Variants in CCDC83 observed in about 807,000 individuals in gnomAD.
CCDC83 encodes coiled-coil domain-containing protein 83.
Under a neutral mutation model 50.1 loss-of-function variants are expected in CCDC83, and 54 were observed. The ratio of observed to expected loss-of-function variants is 1.08; its 90% CI spans 0.87 to 1.35. The LOEUF (loss-of-function observed/expected upper bound fraction) is 1.35. CCDC83 is among the 40% of genes most tolerant of loss of function. The pLI is 0.00. For missense variants in CCDC83, 518 were observed against 473.9 expected (o/e 1.09, Z -0.86); for synonymous variants, 161 against 153.3 (o/e 1.05, Z -0.37).
chr11:85,887,221 G>A (rs573932851), intron 5 of CCDC83, among the ~76,000 whole-genome samples: 3 of 152,338 alleles, frequency 2.0e-5, no homozygotes, highest in Admixed American at 6.5e-5. Flanking sequence ...GACACGATGA[G>A]GGCCAGCTGT....
At chr11:85,917,918 A>G (rs2093490036) in intron 10 of CCDC83, 1 of 152,182 alleles carries the variant, frequency 6.6e-6, no homozygotes, top group Non-Finnish European at 1.5e-5. Flanking sequence ...TTTCCATGAA[A>G]GTTTTTGATG....
intron 5 of CCDC83, among the ~76,000 whole-genome samples, chr11:85,891,917 C>A (rs2135067277): frequency 6.6e-6 from 1 of 152,298 alleles, no homozygotes; most frequent in East Asian, 1.9e-4. Context: ...CCATCTGCTT[C>A]AAATAGTCCC....
In CCDC83 at chr11:85,917,166, G is replaced by GAGAAAGAAAGAA. The variant is rs1554986880; in HGVS notation, c.1080+949_1080+960dup. The stretch of plus-strand genomic sequence containing the variant: ...AGAGAGAGAGAGAGAGAGAGAGAGA[G>GAGAAAGAAAGAA]AGAAAGAAAGAAAGAAAGAAAGAAA... On this transcript the variant is annotated intron_variant, in intron 10 of 10. Coordinates refer to ENST00000342404, the MANE Select transcript of CCDC83 (RefSeq NM_001286159.2). 3.8e-4 allele frequency among the ~76,000 whole-genome samples: 24 copies of GAGAAAGAAAGAA among 62,454 alleles called. 1 individual carries two copies. The highest frequency in any genetic ancestry group is 2.0e-3 in the South Asian group (4 of 2,020). The allele number at this position is 62,454 out of a possible 152,430, so 41.0% of individuals were successfully genotyped here.
intron 7 of CCDC83, among the ~76,000 whole-genome samples, chr11:85,903,473 T>G (rs11234469): frequency 0.019 from 2,858 of 151,856 alleles, 76 homozygotes; most frequent in African/African-American, 0.066. Flanking sequence ...TTTTTTTTTT[T>G]TGTATTTTTA....
At chr11:85,874,645 T>C (rs960993036) in intron 3 of CCDC83, among the ~76,000 whole-genome samples, 3 of 152,348 alleles carry the variant, frequency 2.0e-5, no homozygotes, top group African/African-American at 2.4e-5. Context: ...TCAAAGTACA[T>C]TTTCCACAGT....
intron 4 of CCDC83, among the ~76,000 whole-genome samples, chr11:85,883,735 G>A (rs557210755): frequency 1.3e-4 from 20 of 152,110 alleles, no homozygotes; most frequent in Non-Finnish European, 2.2e-4. Flanking sequence ...TTAGCCCTTA[G>A]GAAATCCACG....
At chr11:85,915,915 A>G in intron 9 of CCDC83, 113 bp from the exon 10 acceptor site, 5 of 733,594 alleles carry the variant, frequency 6.8e-6, no homozygotes, top group Non-Finnish European at 1.2e-5. Context: ...TAAATTCTAC[A>G]TTTGCAATTC....
intron 5 of CCDC83, among the ~76,000 whole-genome samples, chr11:85,893,134 T>C (rs774054757): frequency 6.6e-6 from 1 of 152,206 alleles, no homozygotes; most frequent in African/African-American, 2.4e-5. Context: ...ATTTGCTTTC[T>C]GGTGCTGAAG....
At position 85,880,972 on chromosome 11, in the gene CCDC83, C is replaced by CT. The variant is rs534623145; in HGVS notation, c.181-1540dup. Among the ~76,000 whole-genome samples the CT allele has an allele frequency of 4.4e-4, 67 of 152,282 alleles. No homozygotes were observed. The East Asian group carries it at 6.4e-3, about 14-fold the overall frequency. On this transcript the variant is annotated intron_variant, in intron 3 of 10. Transcript: ENST00000342404. Reference sequence around the variant, plus strand: ...TAACTTTATTTTCCCCTTGGGGATGCTGAATAAACTGTGTTTGGTGTGCCT... The same window carrying CT: ...TAACTTTATTTTCCCCTTGGGGATGCTTGAATAAACTGTGTTTGGTGTGCCT...
chr11:85,880,479 T>C (rs1219051216), intron 3 of CCDC83, among the ~76,000 whole-genome samples: 5 of 152,214 alleles, frequency 3.3e-5, no homozygotes, highest in Middle Eastern at 3.4e-3. Flanking sequence ...TTTCACCATG[T>C]TGCCCAGGCT....
chr11:85,886,134 AC>A (rs1830347006), intron 4 of CCDC83, 65 bp from the exon 5 acceptor site: 1 of 1,285,128 alleles, frequency 7.8e-7, no homozygotes. Context: ...ACTTCTTAAA[AC>A]CAGATTGCAA....
intron 7 of CCDC83, among the ~76,000 whole-genome samples, chr11:85,906,677 G>C (rs2093426915): frequency 6.6e-6 from 1 of 152,116 alleles, no homozygotes; most frequent in Non-Finnish European, 1.5e-5. Context: ...CTAGGAGTTT[G>C]AGACAAACCT....
At chr11:85,915,889 C>A in intron 9 of CCDC83, 139 bp from the exon 10 acceptor site, 1 of 646,690 alleles carries the variant, frequency 1.5e-6, no homozygotes, top group South Asian at 1.9e-5. Flanking sequence ...ATGGGACTCC[C>A]TCTTACTTTA....
intron 6 of CCDC83, among the ~76,000 whole-genome samples, chr11:85,897,131 A>C (rs1426679966): frequency 2.0e-5 from 3 of 152,232 alleles, no homozygotes; most frequent in African/African-American, 7.2e-5. Context: ...GACGATTCAA[A>C]GTAGATATAT....
intron 5 of CCDC83, 143 bp downstream of exon 5, chr11:85,886,510 T>G: frequency 1.7e-6 from 1 of 581,316 alleles, no homozygotes; most frequent in Non-Finnish European, 2.7e-6. Flanking sequence ...AGGGTAAAGG[T>G]GGAGGGAGGA....
intron 4 of CCDC83, among the ~76,000 whole-genome samples, chr11:85,884,302 T>G (rs1186528163): frequency 6.6e-6 from 1 of 152,154 alleles, no homozygotes; most frequent in Admixed American, 6.5e-5. Context: ...TCACTTTATG[T>G]CCCAGGTAGT....
intron 10 of CCDC83, among the ~76,000 whole-genome samples, chr11:85,917,217 A>AGAAAGAAG: frequency 2.1e-5 from 3 of 140,928 alleles, no homozygotes; most frequent in Admixed American, 7.3e-5. Context: ...AAGGAAAGAA[A>AGAAAGAAG]GAAAGAAAGA....
intron 6 of CCDC83, among the ~76,000 whole-genome samples, chr11:85,895,656 TG>T (rs1272317135): frequency 2.0e-5 from 3 of 152,246 alleles, no homozygotes; most frequent in African/African-American, 7.2e-5. Flanking sequence ...CTACACTTAC[TG>T]GCTGTATAAT....
chr11:85,908,462 A>G (rs1343094935), intron 7 of CCDC83, among the ~76,000 whole-genome samples: 1 of 152,040 alleles, frequency 6.6e-6, no homozygotes, highest in Non-Finnish European at 1.5e-5. Flanking sequence ...GAGGCAGGAG[A>G]ATCGCTTGAA....
Sources: allele counts gnomAD v4.1 joint callset (sites outside exome capture counted in the v4.1 genomes callset), GRCh38; gene constraint gnomAD v4.1.1; transcripts MANE v1.5; gene names NCBI Gene and HGNC (gene_info 2026-07-23, HGNC 2026-07-21).